The following KMT5C variants were observed in gnomAD, a reference collection of about 807,000 sequenced individuals.
The protein encoded by KMT5C is lysine methyltransferase 5C, also known as histone-lysine N-methyltransferase KMT5C.
A neutral mutation model predicts 38.2 loss-of-function variants in KMT5C; 16 were observed. That is an observed-to-expected ratio of 0.42 (90% CI 0.28 to 0.64). The LOEUF (loss-of-function observed/expected upper bound fraction) is 0.64, where lower values mean the gene tolerates loss of function less well. Ranked by LOEUF, KMT5C falls within the 30% of genes least tolerant of loss-of-function variation. KMT5C has a pLI of 0.23. For synonymous variants in KMT5C, 291 were observed against 279.0 expected, an observed-to-expected ratio of 1.04 and a Z score of -0.43; for missense variants, 598 against 665.1, an observed-to-expected ratio of 0.90 and a Z score of 1.11.
chr19:55,344,169 T>C, intron 6 of KMT5C, 172 bp downstream of exon 6: 4 of 632,564 alleles, frequency 6.3e-6, no homozygotes, highest in South Asian at 1.9e-5. Flanking sequence ...GGTCAGGAGA[T>C]GGAGACCACG....
Position 55,343,875 on chromosome 19 carries a change from G to C in KMT5C, c.550+32G>C. On this transcript the variant is annotated intron_variant, in intron 5 of 8. Coordinates refer to ENST00000255613, the MANE Select transcript of KMT5C (RefSeq NM_032701.4). This position sits in a 1 kb window ranked among gnomAD's most constrained non-coding sequence, Gnocchi z 5.5. Reference sequence around the variant, plus strand: ...GTCAGGCAGGTGGATGGGCAGGACGGGATAGAGCCAGGCAGGGCTGGAGGG... The same window carrying C: ...GTCAGGCAGGTGGATGGGCAGGACGCGATAGAGCCAGGCAGGGCTGGAGGG... 1 of 1,610,746 alleles carries C rather than the reference G, an allele frequency of 6.2e-7. No individual in the cohort carries two copies. The highest frequency in any genetic ancestry group is 8.5e-7 in the Non-Finnish European group (1 of 1,177,368).
rs996774565 is a variant in KMT5C at position 55,347,012 on chromosome 19, C to T, written c.952C>T (p.Leu318Phe). The T allele has an allele frequency of 1.4e-6, 2 of 1,404,212 alleles. No individual in the cohort carries two copies. The highest frequency in any genetic ancestry group is 2.3e-5 in the South Asian group (2 of 87,150). 87.0% of individuals were successfully genotyped at this position (1,404,212 alleles called of 1,614,324 possible). Residue 318 changes from leucine (L) to phenylalanine (F), a missense_variant, in exon 9 of 9, where the codon CTC (leucine) becomes TTC (phenylalanine). By Grantham distance (22) the Leu-to-Phe change is conservative. Around this residue, in one of 3 missense-constraint regions of KMT5C, gnomAD observed 326 missense variants for 298.1 expected, o/e 1.09. Coordinates refer to ENST00000255613, the MANE Select transcript of KMT5C (RefSeq NM_032701.4). The surrounding 1 kb of genome is among the most constrained non-coding windows in gnomAD (Gnocchi z 4.6). Reference sequence around the variant, plus strand: ...CAGCGCCCGCCCAGACACCTCACCCCTCTGGCTCCAGTGGCTGCCTCAGCC... The same window carrying T: ...CAGCGCCCGCCCAGACACCTCACCCTTCTGGCTCCAGTGGCTGCCTCAGCC... ...ACSARPDTSP[L>F]WLQWLPQPQP...
Position 55,342,432 on chromosome 19 carries a change from C to T in KMT5C, c.276+52C>T, listed in dbSNP as rs887906479. On this transcript the variant is annotated intron_variant, in intron 3 of 8. Coordinates refer to ENST00000255613, the MANE Select transcript of KMT5C (RefSeq NM_032701.4). ...CTCACCGCGTGTCCTCCCCGCTCACCGGGCCTGGTCCCGCCTGGCAGACGC... is the reference window on the plus strand; with the variant it reads ...CTCACCGCGTGTCCTCCCCGCTCACTGGGCCTGGTCCCGCCTGGCAGACGC... The T allele has an allele frequency of 5.1e-6, 7 of 1,362,420 alleles. No homozygotes were observed. In the Admixed American group the frequency reaches 8.2e-5, roughly 16 times the overall value. 84.4% of individuals were successfully genotyped at this position (1,362,420 alleles called of 1,614,324 possible).
intron 3 of KMT5C, 111 bp downstream of exon 3, chr19:55,342,491 CT>C (rs1403799944): frequency 3.4e-6 from 3 of 872,580 alleles, no homozygotes; most frequent in Non-Finnish European, 5.1e-6. Context: ...CTGGGGCCCC[CT>C]GACTTCCTAG....
chr19:55,342,524 A>C, intron 3 of KMT5C, 144 bp downstream of exon 3: 2 of 678,076 alleles, frequency 2.9e-6, no homozygotes, highest in South Asian at 3.8e-5. Context: ...ATCTGAGGCA[A>C]GGCTCAGAGA....
At position 55,343,422 on chromosome 19, in the gene KMT5C, A is replaced by C; in HGVS notation, c.387-258A>C. 1.9e-6 allele frequency: 1 copy of C among 524,108 alleles called. No individual in the cohort carries two copies. Among genetic ancestry groups the C allele is most frequent in the Non-Finnish European group, 3.4e-6 (1 of 290,140 alleles). 32.5% of individuals were successfully genotyped at this position (524,108 alleles called of 1,614,324 possible). A position where few individuals can be genotyped will look rare whatever the true frequency, so the allele number is the denominator to read the frequency against. On this transcript the variant is annotated intron_variant, in intron 4 of 8. Coordinates refer to ENST00000255613, the MANE Select transcript of KMT5C (RefSeq NM_032701.4). This position sits in a 1 kb window ranked among gnomAD's most constrained non-coding sequence, Gnocchi z 5.5. ...GGTGCTATGAGAGCGAGGGGAGAGAATGGGGGCTGTATCTGCTGTGTGCGT... is the reference window on the plus strand; with the variant it reads ...GGTGCTATGAGAGCGAGGGGAGAGACTGGGGGCTGTATCTGCTGTGTGCGT...
rs910852058 is a variant in KMT5C at position 55,346,698 on chromosome 19, C to T, written c.895+11C>T. On this transcript the variant is annotated intron_variant, in intron 8 of 8. Transcript: ENST00000255613. ...GGGACCCATTCTGCGGTGAGCACCC[C>T]TCCCTGCCATCCCAGCAGCCCCTCC... 6.5e-7 allele frequency: 1 copy of T among 1,538,250 alleles called. No homozygotes were observed. The highest frequency in any genetic ancestry group is 8.8e-7 in the Non-Finnish European group (1 of 1,141,172).
rs753205451 is a variant in KMT5C at position 55,347,078 on chromosome 19, C to T, written c.1018C>T (p.Pro340Ser). 1.6e-5 allele frequency: 25 copies of T among 1,571,878 alleles called. No homozygotes were observed. Among genetic ancestry groups the T allele is most frequent in the Non-Finnish European group, 1.9e-5 (22 of 1,166,428 alleles). ...GCCCCGGAAGCGCCGACGCCCCCGG[C>T]CCCGGAGGGCCCCAGTGCTCTCCAC... ...VRPRKRRRPRPRRAPVLSTHH... is the reference protein window; with the variant it reads ...VRPRKRRRPRSRRAPVLSTHH... Residue 340 changes from proline (P) to serine (S), a missense_variant, in exon 9 of 9, where the codon CCC becomes TCC. Transcript: ENST00000255613. The surrounding 1 kb of genome is among the most constrained non-coding windows in gnomAD (Gnocchi z 4.6).
At chr19:55,344,066 T>C in intron 6 of KMT5C, 69 bp downstream of exon 6, 1 of 1,551,586 alleles carries the variant, frequency 6.4e-7, no homozygotes, top group South Asian at 1.2e-5. Flanking sequence ...GGGGAAAGGG[T>C]TTTTGGTCAG....
At position 55,342,059 on chromosome 19, in the gene KMT5C, G is replaced by A. The variant is rs760994921; in HGVS notation, c.110+13G>A. 2 of 1,606,362 alleles carry A rather than the reference G, an allele frequency of 1.2e-6. No individual in the cohort carries two copies. The highest frequency in any genetic ancestry group is 1.3e-5 in the African/African-American group (1 of 74,890). ...AGATGAACGTCAGGTGAGGTGGCCT[G>A]GGGGCGAGGGTGGGCCCGAGGGGTC... On this transcript the variant is annotated intron_variant, in intron 2 of 8. Coordinates refer to ENST00000255613, the MANE Select transcript of KMT5C (RefSeq NM_032701.4).
intron 3 of KMT5C, 57 bp from the exon 4 acceptor site, chr19:55,342,685 G>A: frequency 4.0e-6 from 4 of 1,000,832 alleles, no homozygotes; most frequent in Non-Finnish European, 6.4e-6. Flanking sequence ...GTCCTGGAGA[G>A]AGAGGGCCAA....
rs375273895 is a variant in KMT5C, at chr19:55,342,064, C to T, written c.110+18C>T. The T allele has an allele frequency of 3.6e-5, 57 of 1,601,400 alleles. No homozygotes were observed. The highest frequency in any genetic ancestry group is 6.7e-5 in the African/African-American group (5 of 74,702). Reference sequence around the variant, plus strand: ...AACGTCAGGTGAGGTGGCCTGGGGGCGAGGGTGGGCCCGAGGGGTCAGGAC... The same window carrying T: ...AACGTCAGGTGAGGTGGCCTGGGGGTGAGGGTGGGCCCGAGGGGTCAGGAC... On this transcript the variant is annotated intron_variant, in intron 2 of 8. Transcript: ENST00000255613.
intron 6 of KMT5C, 101 bp from the exon 7 acceptor site, chr19:55,346,112 A>T: frequency 6.9e-7 from 1 of 1,444,868 alleles, no homozygotes; most frequent in South Asian, 1.2e-5. Flanking sequence ...GCCCCATTCC[A>T]GGAGAGGACG....
intron 1 of KMT5C, among the ~76,000 whole-genome samples, chr19:55,340,825 A>G (rs1022973817): frequency 1.8e-5 from 2 of 114,254 alleles, no homozygotes; most frequent in African/African-American, 6.9e-5. Flanking sequence ...GCCCGGCTGC[A>G]GCCTTCTCCC....
chr19:55,347,177 C>T lies in KMT5C; in HGVS notation c.1117C>T (p.Leu373=), dbSNP rs1600269040. The part of the protein sequence containing the change: ...GPHCRLRGEA[L]VALGQPPHAR... ...CCACTGCCGCCTGCGAGGAGAGGCC[C>T]TGGTGGCCCTGGGCCAGCCCCCCCA... Residue 373 remains leucine (L), a synonymous_variant, in exon 9 of 9, where the codon CTG becomes TTG. Transcript: ENST00000255613. The surrounding 1 kb of genome is among the most constrained non-coding windows in gnomAD (Gnocchi z 4.6). 6.5e-7 allele frequency: 1 copy of T among 1,536,764 alleles called. No individual in the cohort carries two copies.
Position 55,346,215 on chromosome 19 carries a change from T to G in KMT5C, c.573T>G (p.Phe191Leu), listed in dbSNP as rs745675399. The G allele has an allele frequency of 2.5e-6, 4 of 1,613,810 alleles. No homozygotes were observed. Among genetic ancestry groups the G allele is most frequent in the Non-Finnish European group, 3.4e-6 (4 of 1,179,932 alleles). The part of the protein sequence containing the change: ...INHDCKPNCK[F>L]VPADGNAACV... ...CGCTGAGTGGGCTTGGCCCTCAGTT[T>G]GTGCCTGCAGATGGGAACGCAGCCT... The change falls in exon 7 of 9, where the codon TTT (phenylalanine) becomes TTG (leucine). Residue 191 changes from phenylalanine to leucine, a missense_variant and splice_region_variant. Physicochemically the swap from Phe to Leu is conservative, Grantham distance 22. This residue lies in a region of KMT5C where 105 missense variants were observed against 179.2 expected (regional missense o/e 0.59). Transcript: ENST00000255613.
At position 55,347,008 on chromosome 19, in the gene KMT5C, A is replaced by C. The variant is rs763032100; in HGVS notation, c.948A>C (p.Ser316=). 5.9e-6 allele frequency: 8 copies of C among 1,353,720 alleles called. No homozygotes were observed. Among genetic ancestry groups the C allele is most frequent in the African/African-American group, 1.4e-5 (1 of 69,786 alleles). 83.9% of individuals were successfully genotyped at this position (1,353,720 alleles called of 1,614,324 possible). A position where few individuals can be genotyped will look rare whatever the true frequency, so the allele number is the denominator to read the frequency against. ...CCTGCAGCGCCCGCCCAGACACCTC[A>C]CCCCTCTGGCTCCAGTGGCTGCCTC... ...LPACSARPDT[S]PLWLQWLPQP... is the part of the protein sequence containing the mutation. The change falls in exon 9 of 9, where the codon TCA becomes TCC. Residue 316 remains serine (S), a synonymous_variant. Coordinates refer to ENST00000255613, the MANE Select transcript of KMT5C (RefSeq NM_032701.4). The surrounding 1 kb of genome is among the most constrained non-coding windows in gnomAD (Gnocchi z 4.6).
chr19:55,347,379 C>A lies in KMT5C; in HGVS notation c.1319C>A (p.Pro440Gln), dbSNP rs535360280. Residue 440 changes from proline (P) to glutamine (Q), a missense_variant, in exon 9 of 9, where the codon CCA (proline) becomes CAA (glutamine). Coordinates refer to ENST00000255613, the MANE Select transcript of KMT5C (RefSeq NM_032701.4). The surrounding 1 kb of genome is among the most constrained non-coding windows in gnomAD (Gnocchi z 4.6). Reference sequence around the variant, plus strand: ...GCCCTCGCCTTCGCCCCCTTCTCCCCACCCAAGCGCCTACGGCTGGTGGTC... The same window carrying A: ...GCCCTCGCCTTCGCCCCCTTCTCCCAACCCAAGCGCCTACGGCTGGTGGTC... ...KQALAFAPFS[P>Q]PKRLRLVVSH... 5.7e-6 allele frequency: 9 copies of A among 1,585,012 alleles called. No homozygotes were observed. The highest frequency in any genetic ancestry group is 4.5e-5 in the East Asian group (2 of 44,056).
chr19:55,345,007 A>G (rs1569021271), intron 6 of KMT5C: 5 of 457,322 alleles, frequency 1.1e-5, no homozygotes, highest in Non-Finnish European at 1.8e-5. Flanking sequence ...GGTTTTGGAC[A>G]GCGAATGCGT....
Sources: gnomAD v4.1 joint callset for allele counts (sites outside exome capture counted in the v4.1 genomes callset) on GRCh38, gnomAD v4.1.1 for gene constraint, gnomAD v4.1.1 regional missense constraint, Gnocchi (gnomAD v3.1) non-coding constraint, MANE v1.5 for transcripts, NCBI Gene and HGNC (gene_info 2026-07-23, HGNC 2026-07-21) for gene names.